NELL1: variants seen among roughly 807,000 people sequenced by gnomAD.
NELL1 encodes the protein neural EGFL like 1, also known as protein kinase C-binding protein NELL1.
In NELL1, 76 loss-of-function variants were observed where a neutral mutation model predicts 107.4. That is an observed-to-expected ratio of 0.71 (90% CI 0.59 to 0.86). The LOEUF is 0.86. Ranked by LOEUF, NELL1 falls within the 40% of genes least tolerant of loss-of-function variation. NELL1 has a pLI of 0.00. For synonymous variants in NELL1, 353 were observed against 341.2 expected (o/e 1.03, Z -0.38); for missense variants, 1,024 against 1,005.5 (o/e 1.02, Z -0.25).
At chr11:21,299,507 TTATATGTGTGTGTGTGTGTG>T (rs1276676449) in intron 14 of NELL1, among the ~76,000 whole-genome samples, 2 of 138,828 alleles carry the variant, frequency 1.4e-5, no homozygotes, top group East Asian at 2.2e-4. Context: ...TTTTATTGTC[TTATATGTGTGTGTGTGTGTG>T]TGTGTGTGTG....
In NELL1 at chr11:21,282,736, A is replaced by C. The variant is rs1849025931; in HGVS notation, c.1549+53282A>C. ...ATATGTGTACTCTCATGTTTGTCTC[A>C]GCACTAGTCACAATAGCCAAGATAT... On this transcript the variant is annotated intron_variant, in intron 14 of 19. Coordinates refer to ENST00000357134, the MANE Select transcript of NELL1 (RefSeq NM_006157.5). 2.0e-5 allele frequency among the ~76,000 whole-genome samples: 3 copies of C among 152,210 alleles called. 1 individual carries two copies. In the South Asian group the frequency reaches 6.2e-4, roughly 32 times the overall value.
intron 12 of NELL1, among the ~76,000 whole-genome samples, chr11:21,056,719 G>A (rs1042154084): frequency 1.3e-4 from 20 of 152,002 alleles, no homozygotes; most frequent in African/African-American, 4.6e-4. Context: ...TAAAATAAAT[G>A]TTCCTGTAAA....
intron 12 of NELL1, among the ~76,000 whole-genome samples, chr11:21,107,518 A>G (rs1047405848): frequency 7.9e-5 from 12 of 152,144 alleles, no homozygotes; most frequent in African/African-American, 2.9e-4. Context: ...TTGTGTGGAT[A>G]TCTGCTTGTT....
chr11:21,293,594 G>A (rs975985489), intron 14 of NELL1, among the ~76,000 whole-genome samples: 2 of 152,086 alleles, frequency 1.3e-5, no homozygotes, highest in Non-Finnish European at 2.9e-5. Context: ...TATACTTAAA[G>A]GTTTGTAAGT....
At chr11:21,542,329 G>A (rs1356523606) in intron 16 of NELL1, among the ~76,000 whole-genome samples, 7 of 152,042 alleles carry the variant, frequency 4.6e-5, no homozygotes, top group African/African-American at 1.7e-4. Flanking sequence ...ACACTGCACT[G>A]CTTTCTGGAA....
chr11:20,899,654 G>A lies in NELL1; in HGVS notation c.603+14114G>A, dbSNP rs139801277. On this transcript the variant is annotated intron_variant, in intron 5 of 19. Transcript: ENST00000357134. ...ACAGAAATTCATAAAATAATGAGTAGGGTATAATAGGCAAGATCAAGAAAG... is the reference window on the plus strand; with the variant it reads ...ACAGAAATTCATAAAATAATGAGTAAGGTATAATAGGCAAGATCAAGAAAG... 8.4e-3 allele frequency among the ~76,000 whole-genome samples: 1,277 copies of A among 152,108 alleles called. 14 individuals carry two copies. The highest frequency in any genetic ancestry group is 0.011 in the Non-Finnish European group (770 of 67,948).
intron 4 of NELL1, among the ~76,000 whole-genome samples, chr11:20,861,349 A>C (rs1848974901): frequency 2.6e-5 from 4 of 152,322 alleles, no homozygotes; most frequent in Middle Eastern, 6.8e-3. Context: ...ATTGATCTGC[A>C]GCGGGAACAT....
intron 14 of NELL1, chr11:21,284,325 A>T (rs1377903976): frequency 2.2e-6 from 1 of 457,330 alleles, no homozygotes; most frequent in Admixed American, 2.3e-5. Context: ...CTGGAGCATG[A>T]GAGTGTGAAA....
At chr11:21,496,168 A>G (rs1854971693) in intron 15 of NELL1, among the ~76,000 whole-genome samples, 1 of 151,920 alleles carries the variant, frequency 6.6e-6, no homozygotes, top group Non-Finnish European at 1.5e-5. Context: ...TTATATGCAC[A>G]GTTGTAGTAA....
chr11:20,776,497 A>G (rs1475375832), intron 2 of NELL1, among the ~76,000 whole-genome samples: 2 of 152,016 alleles, frequency 1.3e-5, no homozygotes, highest in Non-Finnish European at 2.9e-5. Flanking sequence ...ATATCACTTA[A>G]TAAAATGATT....
chr11:20,939,873 T>C (rs1231240040), intron 10 of NELL1, among the ~76,000 whole-genome samples: 3 of 151,834 alleles, frequency 2.0e-5, no homozygotes, highest in East Asian at 1.9e-4. Flanking sequence ...TTGAGTTTGA[T>C]TGTACTTTGG....
At chr11:21,549,414 A>C (rs1013485418) in intron 16 of NELL1, among the ~76,000 whole-genome samples, 1 of 151,936 alleles carries the variant, frequency 6.6e-6, no homozygotes, top group East Asian at 1.9e-4. Context: ...ATAGCAAACC[A>C]TCTGCAGGTT....
intron 15 of NELL1, among the ~76,000 whole-genome samples, chr11:21,533,916 G>A (rs1856060982): frequency 6.6e-6 from 1 of 152,022 alleles, no homozygotes; most frequent in East Asian, 1.9e-4. Flanking sequence ...ACAAGTCTCT[G>A]GGGCTGTCAT....
At chr11:20,736,291 G>A (rs1018657575) in intron 2 of NELL1, among the ~76,000 whole-genome samples, 1 of 152,156 alleles carries the variant, frequency 6.6e-6, no homozygotes, top group Non-Finnish European at 1.5e-5. Flanking sequence ...GGCAGGGCAG[G>A]AGAAAGACAG....
chr11:20,859,370 G>T (rs1848937212), intron 4 of NELL1, among the ~76,000 whole-genome samples: 1 of 152,194 alleles, frequency 6.6e-6, no homozygotes, highest in Admixed American at 6.5e-5. Flanking sequence ...GGAATTTGAA[G>T]TATTGATAGG....
chr11:21,291,725 A>G (rs990542067), intron 14 of NELL1, among the ~76,000 whole-genome samples: 4 of 152,194 alleles, frequency 2.6e-5, no homozygotes, highest in African/African-American at 4.8e-5. Context: ...AAGTTTATCC[A>G]CCAAGATCAA....
chr11:20,777,276 G>A (rs182242942), intron 2 of NELL1, among the ~76,000 whole-genome samples: 2 of 152,338 alleles, frequency 1.3e-5, no homozygotes, highest in Admixed American at 1.3e-4. Context: ...TAAAGTTATT[G>A]TAAGTGCGAT....
At chr11:21,340,819 C>G (rs1056912601) in intron 14 of NELL1, among the ~76,000 whole-genome samples, 3 of 152,260 alleles carry the variant, frequency 2.0e-5, no homozygotes, top group South Asian at 2.1e-4. Context: ...GGAACCAACC[C>G]TGTTGACACC....
intron 15 of NELL1, among the ~76,000 whole-genome samples, chr11:21,508,331 G>A (rs768326468): frequency 2.0e-5 from 3 of 152,036 alleles, no homozygotes; most frequent in African/African-American, 4.8e-5. Flanking sequence ...AAAATATTGT[G>A]TAGATACACA....
Sources: allele counts gnomAD v4.1 joint callset (sites outside exome capture counted in the v4.1 genomes callset), GRCh38; gene constraint gnomAD v4.1.1; transcripts MANE v1.5; gene names NCBI Gene and HGNC (gene_info 2026-07-23, HGNC 2026-07-21).